Variants in PTN observed in about 807,000 individuals in gnomAD.
The protein encoded by PTN is pleiotrophin, also known as heparin affin regulatory protein.
Under a neutral mutation model 24.1 loss-of-function variants are expected in PTN, and 18 were observed. The ratio of observed to expected loss-of-function variants is 0.75; its 90% confidence interval spans 0.52 to 1.11. PTN has a LOEUF of 1.11. Among genes scored for constraint, PTN ranks in the 50% least tolerant of loss-of-function variants. PTN has a pLI of 0.00. For missense variants in PTN, 163 were observed against 198.8 expected, an observed-to-expected ratio of 0.82 and a Z score of 1.08; for synonymous variants, 78 against 68.6, an observed-to-expected ratio of 1.14 and a Z score of -0.67.
chr7:137,248,023 C>T (rs1808753722), intron 4 of PTN, among the ~76,000 whole-genome samples: 1 of 152,046 alleles, frequency 6.6e-6, no homozygotes, highest in African/African-American at 2.4e-5. Context: ...TAATAATACC[C>T]ACCCGCAAGG....
intron 1 of PTN, among the ~76,000 whole-genome samples, chr7:137,305,556 T>C (rs1809873447): frequency 6.6e-6 from 1 of 152,126 alleles, no homozygotes; most frequent in Non-Finnish European, 1.5e-5. Context: ...ATTTTTAAAT[T>C]ATCTCATCAG....
At chr7:137,312,527 G>A (rs1378641569) in intron 1 of PTN, among the ~76,000 whole-genome samples, 1 of 152,184 alleles carries the variant, frequency 6.6e-6, no homozygotes, top group East Asian at 1.9e-4. Context: ...CGCTTTCTCA[G>A]CTTTCCAATT....
chr7:137,249,447 T>C (rs541835156), intron 4 of PTN, among the ~76,000 whole-genome samples: 8 of 152,314 alleles, frequency 5.3e-5, no homozygotes, highest in African/African-American at 1.7e-4. Context: ...GGTTAGTCTG[T>C]GCTATACTTG....
chr7:137,293,889 G>T (rs1476413182), intron 1 of PTN, among the ~76,000 whole-genome samples: 1 of 152,034 alleles, frequency 6.6e-6, no homozygotes, highest in East Asian at 1.9e-4. Context: ...CTCATACAGA[G>T]ATGTTCCACT....
chr7:137,317,361 A>G (rs1008736903), intron 1 of PTN, among the ~76,000 whole-genome samples: 3 of 152,206 alleles, frequency 2.0e-5, no homozygotes, highest in African/African-American at 7.2e-5. Context: ...CAAGAATTTT[A>G]TAAATGCCCA....
intron 1 of PTN, among the ~76,000 whole-genome samples, chr7:137,290,253 T>C (rs1455174793): frequency 1.3e-5 from 2 of 152,058 alleles, no homozygotes; most frequent in African/African-American, 4.8e-5. Context: ...TCCCGCAACA[T>C]GTGGGAATTC....
intron 1 of PTN, among the ~76,000 whole-genome samples, chr7:137,255,327 G>A (rs1308318071): frequency 3.3e-5 from 5 of 152,224 alleles, no homozygotes; most frequent in Non-Finnish European, 5.9e-5. Context: ...TGGTAATATC[G>A]ACAACTACAG....
intron 1 of PTN, among the ~76,000 whole-genome samples, chr7:137,296,649 G>C (rs531395118): frequency 2.0e-5 from 3 of 152,002 alleles, no homozygotes; most frequent in Non-Finnish European, 4.4e-5. Flanking sequence ...GTGGTGGCAG[G>C]GGGTGGAGAG....
chr7:137,259,988 G>A (rs1429733590), intron 1 of PTN, among the ~76,000 whole-genome samples: 2 of 151,960 alleles, frequency 1.3e-5, no homozygotes, highest in Non-Finnish European at 2.9e-5. Context: ...TTTATTTAAA[G>A]TACCTAAGAT....
chr7:137,251,130 G>A, intron 4 of PTN, 100 bp downstream of exon 4: 4 of 1,360,084 alleles, frequency 2.9e-6, no homozygotes, highest in Non-Finnish European at 4.1e-6. Flanking sequence ...ACTTTCTTAA[G>A]GTAATTCACC....
intron 1 of PTN, among the ~76,000 whole-genome samples, chr7:137,267,846 A>G (rs540850520): frequency 3.3e-5 from 5 of 152,286 alleles, no homozygotes; most frequent in African/African-American, 1.2e-4. Flanking sequence ...AGTATCAAGC[A>G]ATCTAAGTCA....
intron 1 of PTN, among the ~76,000 whole-genome samples, chr7:137,306,233 T>C (rs1240309673): frequency 6.6e-6 from 1 of 152,098 alleles, no homozygotes; most frequent in Non-Finnish European, 1.5e-5. Context: ...CCAAGGGGAC[T>C]GTCATTATTC....
intron 1 of PTN, among the ~76,000 whole-genome samples, chr7:137,312,608 C>T (rs1318512474): frequency 6.6e-6 from 1 of 152,158 alleles, no homozygotes; most frequent in East Asian, 1.9e-4. Flanking sequence ...CTCCACCCCT[C>T]TCTCATATTT....
At chr7:137,263,434 C>T (rs1048326085) in intron 1 of PTN, among the ~76,000 whole-genome samples, 13 of 152,128 alleles carry the variant, frequency 8.5e-5, no homozygotes, top group East Asian at 5.8e-4. Context: ...AGCAAGTAGT[C>T]GAGAGCCAAT....
intron 1 of PTN, among the ~76,000 whole-genome samples, chr7:137,311,303 A>AG (rs1809979000): frequency 6.6e-6 from 1 of 152,148 alleles, no homozygotes; most frequent in South Asian, 2.1e-4. Context: ...ATTGAAAAAA[A>AG]ATGTTGTGAT....
chr7:137,315,023 C>T (rs1158539014), intron 1 of PTN, among the ~76,000 whole-genome samples: 2 of 152,148 alleles, frequency 1.3e-5, no homozygotes, highest in African/African-American at 4.8e-5. Flanking sequence ...TATTTCTTGG[C>T]TGATCCTGAC....
At chr7:137,314,783 C>T (rs1229577743) in intron 1 of PTN, among the ~76,000 whole-genome samples, 1 of 151,754 alleles carries the variant, frequency 6.6e-6, no homozygotes, top group Non-Finnish European at 1.5e-5. Flanking sequence ...TTAGTATAGA[C>T]GGGCTTTCAA....
chr7:137,318,954 C>A (rs549614866), intron 1 of PTN: 1 of 152,298 alleles, frequency 6.6e-6, no homozygotes, highest in African/African-American at 2.4e-5. Flanking sequence ...TGCTTTCTGG[C>A]ATTTTAGTGA....
intron 1 of PTN, among the ~76,000 whole-genome samples, chr7:137,333,445 T>C (rs1810394041): frequency 6.6e-6 from 1 of 152,200 alleles, no homozygotes; most frequent in Non-Finnish European, 1.5e-5. Context: ...TGTTCCTTAT[T>C]AATTAAATCT....
Sources: gnomAD v4.1 joint callset for allele counts (sites outside exome capture counted in the v4.1 genomes callset) on GRCh38, gnomAD v4.1.1 for gene constraint, MANE v1.5 for transcripts, NCBI Gene and HGNC (gene_info 2026-07-23, HGNC 2026-07-21) for gene names.